TBL1XR1: variants seen among roughly 807,000 people sequenced by gnomAD.
TBL1XR1 encodes the protein TBL1X/Y related 1.
TBL1XR1 carries 5 observed loss-of-function variants against 66.9 expected under a neutral mutation model. The observed-to-expected ratio is 0.07, with a 90% CI of 0.04 to 0.16. TBL1XR1 has a LOEUF of 0.16. TBL1XR1 is among the 10% of genes least tolerant of loss of function. TBL1XR1 has a pLI of 1.00. For synonymous variants in TBL1XR1, 210 were observed against 206.0 expected (o/e 1.02, Z -0.17); for missense variants, 238 against 623.2 (o/e 0.38, Z 6.58).
At chr3:177,054,380 T>C (rs1011823142) in intron 3 of TBL1XR1, among the ~76,000 whole-genome samples, 14 of 152,152 alleles carry the variant, frequency 9.2e-5, no homozygotes, top group African/African-American at 3.4e-4. Context: ...CAAATTTTCT[T>C]TCATCCCAGC....
At chr3:177,103,055 A>G (rs1228003317) in intron 1 of TBL1XR1, among the ~76,000 whole-genome samples, 1 of 152,244 alleles carries the variant, frequency 6.6e-6, no homozygotes, top group East Asian at 1.9e-4. Flanking sequence ...CTAGATATAG[A>G]GAAATAGATA....
At chr3:177,180,740 A>AT (rs201395892) in intron 1 of TBL1XR1, among the ~76,000 whole-genome samples, 1,958 of 145,596 alleles carry the variant, frequency 0.013, 30 homozygotes, top group African/African-American at 0.042. Flanking sequence ...TTACCCTGGA[A>AT]TTTTTTTTTT....
upstream of TBL1XR1, among the ~76,000 whole-genome samples, chr3:177,201,288 G>A (rs1161275751): frequency 6.6e-6 from 1 of 151,676 alleles, no homozygotes; most frequent in Non-Finnish European, 1.5e-5. Flanking sequence ...GCACATGCCT[G>A]TAATCCTAGC....
intron 2 of TBL1XR1, among the ~76,000 whole-genome samples, chr3:177,084,881 C>G (rs768189129): frequency 2.0e-5 from 3 of 152,158 alleles, no homozygotes; most frequent in Non-Finnish European, 2.9e-5. Flanking sequence ...CATATGTTGT[C>G]CAGAAATTGT....
intron 1 of TBL1XR1, among the ~76,000 whole-genome samples, chr3:177,161,783 CA>C (rs35673622): frequency 0.48 from 61,822 of 128,756 alleles, 14,540 homozygotes; most frequent in Non-Finnish European, 0.58. Flanking sequence ...GACTCTGACT[CA>C]AAAAAAAAAA....
chr3:177,057,037 C>T (rs908875848), intron 3 of TBL1XR1, among the ~76,000 whole-genome samples: 18 of 152,156 alleles, frequency 1.2e-4, no homozygotes, highest in Admixed American at 7.2e-4. Flanking sequence ...AAAGGTCAAA[C>T]GCCTAATTAT....
intron 1 of TBL1XR1, chr3:177,099,317 A>G (rs1299525815): frequency 6.6e-6 from 1 of 152,360 alleles, no homozygotes; most frequent in African/African-American, 2.4e-5. Context: ...CAGTGAGCCG[A>G]GACCGCACCA....
At chr3:177,192,087 T>G (rs1736215026) in intron 1 of TBL1XR1, among the ~76,000 whole-genome samples, 1 of 117,874 alleles carries the variant, frequency 8.5e-6, no homozygotes. Context: ...AGCAAGACTC[T>G]GTCTCAAAAA....
intron 14 of TBL1XR1, chr3:177,027,770 T>C (rs1452329977): frequency 6.6e-6 from 1 of 152,202 alleles, no homozygotes; most frequent in African/African-American, 2.4e-5. Flanking sequence ...ACTGACACAT[T>C]GCTACTGATT....
At chr3:177,163,452 T>C (rs568377487) in intron 1 of TBL1XR1, among the ~76,000 whole-genome samples, 1 of 151,260 alleles carries the variant, frequency 6.6e-6, no homozygotes, top group East Asian at 1.9e-4. Context: ...CAAGCTGCAG[T>C]GAGCCAAGAT....
intron 2 of TBL1XR1, among the ~76,000 whole-genome samples, chr3:177,083,256 A>G (rs1721667186): frequency 6.6e-6 from 1 of 152,202 alleles, no homozygotes; most frequent in Admixed American, 6.5e-5. Context: ...TCCATCTCCC[A>G]TTAATCATAC....
chr3:177,193,194 C>G (rs1441208793), intron 1 of TBL1XR1, among the ~76,000 whole-genome samples: 1 of 151,928 alleles, frequency 6.6e-6, no homozygotes, highest in East Asian at 1.9e-4. Flanking sequence ...ATAAATAAAA[C>G]GTATGAGGAG....
rs147320145 is a variant in TBL1XR1 at position 177,192,381 on chromosome 3, AAAGT to A, written c.-122+4736_-122+4739del. On this transcript the variant is annotated intron_variant, in intron 1 of 15. Coordinates refer to ENST00000457928, the MANE Select transcript of TBL1XR1 (RefSeq NM_024665.7). ...CTGCACTCCAACCTGGGCAACAAAC[AAAGT>A]GAGACTTTATCTCAAAAAAAAAAAA... is the stretch of plus-strand genomic sequence containing the variant. Among the ~76,000 whole-genome samples, 378 of 150,496 alleles carry A rather than the reference AAAGT, an allele frequency of 2.5e-3. 4 individuals are homozygous for A. Among genetic ancestry groups the A allele is most frequent in the African/African-American group, 8.7e-3 (355 of 40,942 alleles).
At chr3:177,193,436 G>A (rs1175386116) in intron 1 of TBL1XR1, among the ~76,000 whole-genome samples, 1 of 151,818 alleles carries the variant, frequency 6.6e-6, no homozygotes, top group Non-Finnish European at 1.5e-5. Context: ...TCAGCCTCCC[G>A]AGTAGCTGGG....
chr3:177,173,662 T>C (rs969188355), intron 1 of TBL1XR1, among the ~76,000 whole-genome samples: 3 of 152,204 alleles, frequency 2.0e-5, no homozygotes, highest in Middle Eastern at 3.4e-3. Context: ...GGATTGGCTA[T>C]TGGAACAGAA....
chr3:177,150,527 T>C (rs1477963707), intron 1 of TBL1XR1, among the ~76,000 whole-genome samples: 2 of 152,208 alleles, frequency 1.3e-5, no homozygotes, highest in Non-Finnish European at 2.9e-5. Flanking sequence ...AACTACAGAC[T>C]GAGTTACCTA....
At chr3:177,075,685 A>C (rs1376082292) in intron 2 of TBL1XR1, among the ~76,000 whole-genome samples, 1 of 152,214 alleles carries the variant, frequency 6.6e-6, no homozygotes. Context: ...TACTCATTAC[A>C]CAATAAAGGT....
chr3:177,131,477 T>C, intron 1 of TBL1XR1: 1 of 598,198 alleles, frequency 1.7e-6, no homozygotes, highest in Non-Finnish European at 2.1e-6. Context: ...AAAAAAAAAC[T>C]AAATTAAAAA....
chr3:177,133,433 G>C (rs1728538761), intron 1 of TBL1XR1, among the ~76,000 whole-genome samples: 1 of 152,060 alleles, frequency 6.6e-6, no homozygotes, highest in African/African-American at 2.4e-5. Context: ...TCAAAGTTCT[G>C]CTCACTTTTT....
Sources: gnomAD v4.1 joint callset for allele counts (sites outside exome capture counted in the v4.1 genomes callset) on GRCh38, gnomAD v4.1.1 for gene constraint, MANE v1.5 for transcripts, NCBI Gene and HGNC (gene_info 2026-07-23, HGNC 2026-07-21) for gene names.